The following MAD1L1 variants were observed in gnomAD, a reference collection of about 807,000 sequenced individuals.
MAD1L1 encodes the protein mitotic arrest deficient 1 like 1, also known as mitotic spindle assembly checkpoint protein MAD1.
MAD1L1 carries 95 observed loss-of-function variants against 96.9 expected under a neutral mutation model. The ratio of observed to expected loss-of-function variants is 0.98; its 90% CI spans 0.83 to 1.16. The LOEUF (loss-of-function observed/expected upper bound fraction) is 1.16. Ranked by LOEUF, MAD1L1 falls within the 50% of genes most tolerant of loss-of-function variation. The pLI is 0.00. For synonymous variants in MAD1L1, 473 were observed against 396.6 expected (o/e 1.19, Z -2.29); for missense variants, 1,007 against 954.4 (o/e 1.06, Z -0.73).
At chr7:1,969,403 A>G (rs1464365865) in intron 15 of MAD1L1, among the ~76,000 whole-genome samples, 2 of 152,162 alleles carry the variant, frequency 1.3e-5, no homozygotes, top group East Asian at 3.8e-4. Context: ...ATAAATAAAT[A>G]AAACAAAAAA....
At chr7:1,972,191 C>A (rs1780434000) in intron 15 of MAD1L1, among the ~76,000 whole-genome samples, 1 of 152,190 alleles carries the variant, frequency 6.6e-6, no homozygotes, top group African/African-American at 2.4e-5. Flanking sequence ...TGTCCTGACA[C>A]CGGAAGGCTC....
intron 11 of MAD1L1, among the ~76,000 whole-genome samples, chr7:2,117,262 C>A (rs996286655): frequency 6.6e-6 from 1 of 152,214 alleles, no homozygotes; most frequent in Admixed American, 6.5e-5. Flanking sequence ...CCCAAGGGCA[C>A]CTTCCCAAGC....
intron 11 of MAD1L1, among the ~76,000 whole-genome samples, chr7:2,083,613 G>A (rs1468606923): frequency 1.3e-5 from 2 of 152,228 alleles, no homozygotes; most frequent in African/African-American, 2.4e-5. Flanking sequence ...GTAACAGACT[G>A]CAAGATGTCC....
chr7:2,003,038 C>CA (rs1329217614), intron 13 of MAD1L1, among the ~76,000 whole-genome samples: 80 of 1,024 alleles, frequency 0.078, no homozygotes, highest in Middle Eastern at 0.4. Flanking sequence ...CTTGTGAGAC[C>CA]CCCCCAGGCC....
At chr7:2,203,410 G>A (rs544290831) in intron 10 of MAD1L1, among the ~76,000 whole-genome samples, 19 of 152,370 alleles carry the variant, frequency 1.2e-4, no homozygotes, top group African/African-American at 4.1e-4. Context: ...GCAGTCACAC[G>A]CCGTGACGGG....
intron 11 of MAD1L1, among the ~76,000 whole-genome samples, chr7:2,144,314 C>T (rs1228205836): frequency 2.0e-5 from 3 of 152,242 alleles, no homozygotes; most frequent in Admixed American, 6.5e-5. Flanking sequence ...CTGCTCTCAG[C>T]GTCCCCATCG....
chr7:2,043,827 G>C (rs903639292), intron 12 of MAD1L1, among the ~76,000 whole-genome samples: 3 of 152,240 alleles, frequency 2.0e-5, no homozygotes, highest in African/African-American at 7.2e-5. Context: ...GCCCAACATA[G>C]ACATAAGCTG....
At chr7:2,085,879 C>T (rs1785892620) in intron 11 of MAD1L1, among the ~76,000 whole-genome samples, 1 of 152,242 alleles carries the variant, frequency 6.6e-6, no homozygotes, top group East Asian at 1.9e-4. Context: ...CCTCTGAAGA[C>T]CCACTGGACG....
chr7:2,208,781 G>C (rs1048290062), intron 10 of MAD1L1, among the ~76,000 whole-genome samples: 4 of 151,958 alleles, frequency 2.6e-5, no homozygotes, highest in African/African-American at 9.7e-5. Flanking sequence ...TCCCCCTCCT[G>C]TGCCCGAGGT....
chr7:2,031,782 G>A (rs1006064372), intron 12 of MAD1L1, among the ~76,000 whole-genome samples: 2 of 152,270 alleles, frequency 1.3e-5, no homozygotes, highest in African/African-American at 2.4e-5. Flanking sequence ...GCCTGAGACA[G>A]GCCCTGTGCC....
At chr7:2,040,415 C>T (rs1032419216) in intron 12 of MAD1L1, among the ~76,000 whole-genome samples, 4 of 152,178 alleles carry the variant, frequency 2.6e-5, no homozygotes, top group African/African-American at 4.8e-5. Flanking sequence ...CAGGTCTCAT[C>T]GGTGTCGGGA....
intron 17 of MAD1L1, among the ~76,000 whole-genome samples, chr7:1,905,785 C>T (rs1787589516): frequency 6.6e-6 from 1 of 152,158 alleles, no homozygotes; most frequent in Non-Finnish European, 1.5e-5. Flanking sequence ...CACAGTGGCT[C>T]ACACCTGTAA....
intron 15 of MAD1L1, among the ~76,000 whole-genome samples, chr7:1,961,399 G>A (rs752911824): frequency 6.6e-6 from 1 of 152,194 alleles, no homozygotes; most frequent in Non-Finnish European, 1.5e-5. Context: ...CAGACAGACC[G>A]ATCAAACAAA....
At chr7:2,025,703 T>C (rs758477705) in intron 12 of MAD1L1, among the ~76,000 whole-genome samples, 21 of 152,196 alleles carry the variant, frequency 1.4e-4, no homozygotes, top group Non-Finnish European at 2.1e-4. Flanking sequence ...AATAAAGTAC[T>C]TTATAGCAAT....
intron 10 of MAD1L1, among the ~76,000 whole-genome samples, chr7:2,208,784 C>T (rs1235010816): frequency 1.3e-5 from 2 of 152,176 alleles, no homozygotes; most frequent in Non-Finnish European, 1.5e-5. Flanking sequence ...CCCTCCTGTG[C>T]CCGAGGTCTT....
intron 12 of MAD1L1, among the ~76,000 whole-genome samples, chr7:2,048,732 G>A (rs971391865): frequency 6.6e-6 from 1 of 152,208 alleles, no homozygotes; most frequent in African/African-American, 2.4e-5. Context: ...ACGGAGCTGT[G>A]ATGGGAGCCT....
intron 14 of MAD1L1, among the ~76,000 whole-genome samples, chr7:1,986,565 CATG>C (rs1781160331): frequency 4.0e-4 from 61 of 151,870 alleles, no homozygotes; most frequent in Non-Finnish European, 5.9e-4. Context: ...GCGGCTCCCT[CATG>C]GAGCTGCCTC....
intron 3 of MAD1L1, among the ~76,000 whole-genome samples, chr7:2,228,302 C>A (rs889814908): frequency 3.3e-5 from 5 of 152,194 alleles, no homozygotes; most frequent in African/African-American, 1.2e-4. Context: ...AACTCTGTCA[C>A]CCGGGCTGGA....
At chr7:1,952,941 C>T (rs956291593) in intron 16 of MAD1L1, among the ~76,000 whole-genome samples, 2 of 152,178 alleles carry the variant, frequency 1.3e-5, no homozygotes, top group Non-Finnish European at 1.5e-5. Flanking sequence ...CGGGAGGCCC[C>T]GGTACAGGGA....
Sources: gnomAD v4.1 joint callset for allele counts (sites outside exome capture counted in the v4.1 genomes callset) on GRCh38, gnomAD v4.1.1 for gene constraint, MANE v1.5 for transcripts, NCBI Gene and HGNC (gene_info 2026-07-23, HGNC 2026-07-21) for gene names.